Variants in KDM5A observed in about 807,000 individuals in gnomAD.
KDM5A encodes lysine demethylase 5A.
KDM5A carries 42 observed loss-of-function variants against 193.5 expected under a neutral mutation model. That is an observed-to-expected ratio of 0.22 (90% confidence interval 0.17 to 0.28). KDM5A has a LOEUF of 0.28. Ranked by LOEUF, KDM5A falls within the 10% of genes least tolerant of loss-of-function variation. The pLI is 1.00. For synonymous variants in KDM5A, 796 were observed against 718.1 expected (o/e 1.11, Z -1.73); for missense variants, 1,692 against 2,055.1 (o/e 0.82, Z 3.42).
chr12:333,767 C>A, intron 11 of KDM5A, 118 bp from the exon 12 acceptor site: 4 of 981,840 alleles, frequency 4.1e-6, no homozygotes, highest in Non-Finnish European at 6.4e-6. Flanking sequence ...AGATTATATG[C>A]CCTGAATTCT....
chr12:300,700 T>C (rs188216901), intron 24 of KDM5A, among the ~76,000 whole-genome samples: 12 of 151,996 alleles, frequency 7.9e-5, no homozygotes, highest in Admixed American at 5.9e-4. Context: ...CTGAAGGAGA[T>C]AGAGACATGA....
intron 1 of KDM5A, chr12:388,536 CA>C: frequency 2.8e-6 from 1 of 362,942 alleles, no homozygotes; most frequent in South Asian, 2.2e-5. Flanking sequence ...ATGAGGCCTG[CA>C]AATATTTGAT....
At chr12:388,728 G>A (rs919116901) in intron 1 of KDM5A, among the ~76,000 whole-genome samples, 199 bp downstream of exon 1, 1 of 152,180 alleles carries the variant, frequency 6.6e-6, no homozygotes, top group Non-Finnish European at 1.5e-5. Flanking sequence ...AGGCCCAAGA[G>A]ACACCACTTT....
chr12:289,432 A>G (rs1161494990), intron 27 of KDM5A, among the ~76,000 whole-genome samples: 2 of 152,104 alleles, frequency 1.3e-5, no homozygotes, highest in African/African-American at 4.8e-5. Context: ...AGGAAAAATT[A>G]TTTTTTCAAA....
chr12:387,707 C>T (rs973031514), intron 1 of KDM5A, among the ~76,000 whole-genome samples: 1 of 152,166 alleles, frequency 6.6e-6, no homozygotes. Flanking sequence ...TTTAACTTAT[C>T]CAGATTAGCC....
Position 313,072 on chromosome 12 carries a change from T to G in KDM5A, c.3020A>C (p.Lys1007Thr). 2 of 1,614,182 alleles carry G rather than the reference T, an allele frequency of 1.2e-6. No homozygotes were observed. Among genetic ancestry groups the G allele is most frequent in the South Asian group, 2.2e-5 (2 of 91,078 alleles). ...TCTTCTTACCTGAATAGCTTCCACTTTAGCGGTCCATTCTCGAGCCTTTTG... is the reference window on the plus strand; with the variant it reads ...TCTTCTTACCTGAATAGCTTCCACTGTAGCGGTCCATTCTCGAGCCTTTTG... Reference protein sequence around the residue: ...ALQKAREWTAKVEAIQSGSNY... With the variant: ...ALQKAREWTATVEAIQSGSNY... Residue 1007 changes from lysine (K) to threonine (T), a missense_variant, in exon 20 of 28, where the codon AAA becomes ACA. Lys to Thr is a moderately conservative substitution (Grantham distance 78, BLOSUM62 -1). Coordinates refer to ENST00000399788, the MANE Select transcript of KDM5A (RefSeq NM_001042603.3).
rs147329975 is a variant in KDM5A at position 341,243 on chromosome 12, T to G, written c.1309-6821A>C. 9.8e-3 allele frequency among the ~76,000 whole-genome samples: 1,488 copies of G among 152,236 alleles called. 17 individuals are homozygous for G. Among genetic ancestry groups the G allele is most frequent in the African/African-American group, 0.034 (1,396 of 41,536 alleles). Reference sequence around the variant, plus strand: ...TGCCAATGGAAGGGTGTGAAGACATTCAGGCTGATACATTTCTTTATAGAT... The same window carrying G: ...TGCCAATGGAAGGGTGTGAAGACATGCAGGCTGATACATTTCTTTATAGAT... On this transcript the variant is annotated intron_variant, in intron 10 of 27. Coordinates refer to ENST00000399788, the MANE Select transcript of KDM5A (RefSeq NM_001042603.3).
At chr12:366,762 A>G (rs1944361620) in intron 3 of KDM5A, among the ~76,000 whole-genome samples, 1 of 152,244 alleles carries the variant, frequency 6.6e-6, no homozygotes, top group South Asian at 2.1e-4. Flanking sequence ...CACTCTACAG[A>G]ATACATATTT....
Position 316,042 on chromosome 12 carries a change from A to T in KDM5A, c.2897+2064T>A, listed in dbSNP as rs139670832. Among the ~76,000 whole-genome samples the T allele has an allele frequency of 1.6e-4, 24 of 152,342 alleles. No homozygotes were observed. In the East Asian group the frequency reaches 4.6e-3, roughly 29 times the overall value. On this transcript the variant is annotated intron_variant, in intron 19 of 27. Coordinates refer to ENST00000399788, the MANE Select transcript of KDM5A (RefSeq NM_001042603.3). ...CATCTATGCCAGAATCTCAAGGAAAACCATTATTTTAGAGGTAGAGAGAAG... is the reference window on the plus strand; with the variant it reads ...CATCTATGCCAGAATCTCAAGGAAATCCATTATTTTAGAGGTAGAGAGAAG...
Position 346,061 on chromosome 12 carries a change from G to A in KDM5A, c.1308+4560C>T, listed in dbSNP as rs573682244. ...GAAAGGAGAGAAGAATCAAATAGAT[G>A]CAATAAAAAATGATAAAGGGGATAT... On this transcript the variant is annotated intron_variant, in intron 10 of 27. Transcript: ENST00000399788. 9.9e-5 allele frequency among the ~76,000 whole-genome samples: 15 copies of A among 152,146 alleles called. No homozygotes were observed. The East Asian group carries it at 2.9e-3, about 29-fold the overall frequency.
At chr12:328,695 T>C (rs1943823806) in intron 14 of KDM5A, 140 bp downstream of exon 14, 3 of 746,050 alleles carry the variant, frequency 4.0e-6, no homozygotes, top group African/African-American at 1.8e-5. Context: ...ATGTCAATTA[T>C]AAAAATATAA....
In KDM5A at chr12:281,563, A is replaced by C; in HGVS notation, c.*3893T>G. 4.3e-6 allele frequency: 1 copy of C among 233,238 alleles called. No homozygotes were observed. Among genetic ancestry groups the C allele is most frequent in the Middle Eastern group, 1.3e-3 (1 of 786 alleles). 14.4% of individuals were successfully genotyped at this position (233,238 alleles called of 1,614,324 possible). On this transcript the variant is annotated 3_prime_UTR_variant, in exon 28 of 28. Transcript: ENST00000399788. ...AAAAAAAAGGAGGAATTTCAAAAGG[A>C]GTACTTAAGGACCTGCTATAAAAGC...
rs1251237778 is a variant in KDM5A, at chr12:323,596, A to T, written c.2150+4T>A. Reference sequence around the variant, plus strand: ...TGGAAGTTTTACAAAATACTTTTGGATACCTAAGACATTTCTTCTGCATGG... The same window carrying T: ...TGGAAGTTTTACAAAATACTTTTGGTTACCTAAGACATTTCTTCTGCATGG... On this transcript the variant is annotated splice_donor_region_variant and intron_variant, in intron 15 of 27. Coordinates refer to ENST00000399788, the MANE Select transcript of KDM5A (RefSeq NM_001042603.3). 1.2e-6 allele frequency: 2 copies of T among 1,613,632 alleles called. No individual in the cohort carries two copies. The highest frequency in any genetic ancestry group is 1.7e-6 in the Non-Finnish European group (2 of 1,179,504).
chr12:376,451 T>C (rs2137487359), intron 3 of KDM5A, among the ~76,000 whole-genome samples: 1 of 152,184 alleles, frequency 6.6e-6, no homozygotes, highest in East Asian at 1.9e-4. Context: ...ACGGTGGGAG[T>C]GACCCAATTT....
Position 297,162 on chromosome 12 carries a change from G to C in KDM5A, c.4113C>G (p.Pro1371=). Residue 1371 remains proline, a synonymous_variant, in exon 25 of 28, where the codon CCC becomes CCG. Transcript: ENST00000399788. The part of the protein sequence containing the change: ...ASVKSSSSLE[P]NLFCDEEIPI... ...GAATCTCTTCATCACAAAAAAGATT[G>C]GGTTCAAGACTACTAGAGGACTTCA... 1 of 1,614,052 alleles carries C rather than the reference G, an allele frequency of 6.2e-7. No individual in the cohort carries two copies. The highest frequency in any genetic ancestry group is 8.5e-7 in the Non-Finnish European group (1 of 1,179,990).
intron 27 of KDM5A, 43 bp downstream of exon 27, chr12:292,716 C>T (rs369033204): frequency 1.2e-6 from 2 of 1,613,636 alleles, no homozygotes; most frequent in Non-Finnish European, 8.5e-7. Context: ...ACAACTGTTG[C>T]TCCTTGACCT....
intron 2 of KDM5A, among the ~76,000 whole-genome samples, chr12:384,601 G>A (rs1386734066): frequency 1.3e-5 from 2 of 152,126 alleles, no homozygotes; most frequent in African/African-American, 2.4e-5. Flanking sequence ...CTAGCCAATA[G>A]TAAAACTAGC....
Position 334,273 on chromosome 12 carries a change from A to G in KDM5A, c.1458T>C (p.Asp486=), listed in dbSNP as rs1388861349. ...CFSSFCWHIE[D]HWSYSINYLH... ...AGTAGTTGATGGAATAACTCCAGTG[A>G]TCCTCAATGTGCCAGCAAAAAGAAG... The change falls in exon 11 of 28, where the codon GAT becomes GAC. Residue 486 remains aspartate, a synonymous_variant. Coordinates refer to ENST00000399788, the MANE Select transcript of KDM5A (RefSeq NM_001042603.3). The G allele has an allele frequency of 5.6e-6, 9 of 1,614,070 alleles. 1 individual carries two copies. In the Admixed American group the frequency reaches 1.5e-4, roughly 27 times the overall value.
At chr12:386,501 A>C (rs899664280) in intron 1 of KDM5A, among the ~76,000 whole-genome samples, 2 of 152,116 alleles carry the variant, frequency 1.3e-5, no homozygotes, top group African/African-American at 4.8e-5. Context: ...ACTTATTTCC[A>C]CTTAAGTAGT....
Sources: allele counts gnomAD v4.1 joint callset (sites outside exome capture counted in the v4.1 genomes callset), GRCh38; gene constraint gnomAD v4.1.1; transcripts MANE v1.5; gene names NCBI Gene and HGNC (gene_info 2026-07-23, HGNC 2026-07-21).